NRXN3: variants seen among roughly 807,000 people sequenced by gnomAD.
NRXN3 encodes neurexin 3, also known as neurexin III.
NRXN3 carries 32 observed loss-of-function variants against 137.6 expected under a neutral mutation model. The ratio of observed to expected loss-of-function variants is 0.23; its 90% CI spans 0.18 to 0.31. The LOEUF is 0.31. Among genes scored for constraint, NRXN3 ranks in the 10% least tolerant of loss-of-function variants. The probability of loss-of-function intolerance (pLI) is 1.00; values close to 1 mark genes in which losing one functional copy is unlikely to be tolerated. For missense variants in NRXN3, 1,574 were observed against 2,062.5 expected (o/e 0.76, Z 4.59); for synonymous variants, 798 against 784.5 (o/e 1.02, Z -0.29).
At chr14:78,840,678 A>G (rs904633680) in intron 10 of NRXN3, among the ~76,000 whole-genome samples, 2 of 152,182 alleles carry the variant, frequency 1.3e-5, no homozygotes, top group Admixed American at 1.3e-4. Flanking sequence ...GAAGGAAATC[A>G]GGTGAATTCT....
At chr14:78,212,774 A>T (rs1391050510) in intron 1 of NRXN3, among the ~76,000 whole-genome samples, 1 of 152,252 alleles carries the variant, frequency 6.6e-6, no homozygotes, top group East Asian at 1.9e-4. Context: ...TGCCATTACC[A>T]GAAAGAAAAA....
chr14:78,539,594 TG>T (rs2096569309), intron 4 of NRXN3, among the ~76,000 whole-genome samples: 1 of 152,214 alleles, frequency 6.6e-6, no homozygotes, highest in Admixed American at 6.5e-5. Flanking sequence ...AAGGGTTTTT[TG>T]TGTCTCTTTC....
chr14:79,588,964 T>C (rs146663551), intron 16 of NRXN3, among the ~76,000 whole-genome samples: 1 of 152,276 alleles, frequency 6.6e-6, no homozygotes, highest in Non-Finnish European at 1.5e-5. Flanking sequence ...TATTTAAAAA[T>C]TCTATTGAGG....
At chr14:78,242,127 A>G (rs2067156300) in intron 1 of NRXN3, among the ~76,000 whole-genome samples, 2 of 152,318 alleles carry the variant, frequency 1.3e-5, no homozygotes, top group Admixed American at 6.5e-5. Context: ...TGAATATTCT[A>G]ATAATGTGCT....
At chr14:79,018,118 T>C (rs937428898) in intron 15 of NRXN3, among the ~76,000 whole-genome samples, 10 of 151,188 alleles carry the variant, frequency 6.6e-5, no homozygotes, top group African/African-American at 2.2e-4. Flanking sequence ...AAATTAGCTG[T>C]GCATGGTGGT....
chr14:78,544,689 A>G (rs1301429411), intron 4 of NRXN3, among the ~76,000 whole-genome samples: 3 of 152,232 alleles, frequency 2.0e-5, no homozygotes, highest in African/African-American at 7.2e-5. Context: ...AAACTTGTTC[A>G]CATCATCCAG....
intron 8 of NRXN3, among the ~76,000 whole-genome samples, chr14:78,716,286 C>T (rs1238050184): frequency 6.6e-6 from 1 of 152,132 alleles, no homozygotes; most frequent in Non-Finnish European, 1.5e-5. Context: ...TTTTTATATG[C>T]CAAGCACACA....
chr14:78,573,020 C>T (rs972824541), intron 4 of NRXN3, among the ~76,000 whole-genome samples: 10 of 152,150 alleles, frequency 6.6e-5, no homozygotes, highest in Admixed American at 3.3e-4. Flanking sequence ...ATTCTGTTCT[C>T]GTGATAGTGA....
At chr14:78,634,734 C>T (rs1014700030) in intron 4 of NRXN3, among the ~76,000 whole-genome samples, 1 of 149,550 alleles carries the variant, frequency 6.7e-6, no homozygotes, top group Non-Finnish European at 1.5e-5. Context: ...TAACCACTAC[C>T]TGAAGTTGAT....
intron 15 of NRXN3, among the ~76,000 whole-genome samples, chr14:79,212,798 T>A (rs1358161331): frequency 6.6e-6 from 1 of 151,802 alleles, no homozygotes; most frequent in African/African-American, 2.4e-5. Flanking sequence ...AAATCCTCAC[T>A]CATATTTTGA....
chr14:79,670,451 GA>G (rs368425271), intron 17 of NRXN3, among the ~76,000 whole-genome samples: 1 of 152,132 alleles, frequency 6.6e-6, no homozygotes, highest in African/African-American at 2.4e-5. Context: ...TCCCGCTGTC[GA>G]GAAGTTTCTC....
chr14:78,644,888 T>A (rs1334548830), intron 4 of NRXN3, among the ~76,000 whole-genome samples: 1 of 152,246 alleles, frequency 6.6e-6, no homozygotes, highest in African/African-American at 2.4e-5. Context: ...TTTTGCACCA[T>A]CTTGTTTTGT....
chr14:78,221,669 T>C (rs1008761222), intron 1 of NRXN3, among the ~76,000 whole-genome samples: 1 of 152,188 alleles, frequency 6.6e-6, no homozygotes, highest in Non-Finnish European at 1.5e-5. Flanking sequence ...TCCAGTGATC[T>C]TGCACCTGCA....
At chr14:79,049,619 T>A (rs2099639012) in intron 15 of NRXN3, among the ~76,000 whole-genome samples, 1 of 152,132 alleles carries the variant, frequency 6.6e-6, no homozygotes, top group South Asian at 2.1e-4. Context: ...TTTCAGAAGG[T>A]TTTTAATTTA....
At chr14:79,638,961 G>T (rs186954529) in intron 16 of NRXN3, among the ~76,000 whole-genome samples, 57 of 152,254 alleles carry the variant, frequency 3.7e-4, no homozygotes, top group Middle Eastern at 3.4e-3. Flanking sequence ...GAACTGAATT[G>T]CCAGGGGAGG....
chr14:79,074,455 T>C (rs369784844), intron 15 of NRXN3: 2 of 152,204 alleles, frequency 1.3e-5, no homozygotes, highest in African/African-American at 4.8e-5. Flanking sequence ...TCGGTAGTCA[T>C]CATGAGTACT....
At chr14:78,297,457 G>A (rs1298996991) in intron 3 of NRXN3, among the ~76,000 whole-genome samples, 2 of 152,140 alleles carry the variant, frequency 1.3e-5, no homozygotes, top group African/African-American at 4.8e-5. Flanking sequence ...TACTTTACCT[G>A]GCGTCTTAAG....
At chr14:78,836,429 G>A (rs1040950255) in intron 10 of NRXN3, among the ~76,000 whole-genome samples, 2 of 152,180 alleles carry the variant, frequency 1.3e-5, no homozygotes, top group African/African-American at 4.8e-5. Context: ...TAAATGAGAA[G>A]CTGGCCAAAG....
intron 10 of NRXN3, among the ~76,000 whole-genome samples, chr14:78,827,399 G>A (rs563781101): frequency 1.4e-4 from 22 of 152,072 alleles, no homozygotes; most frequent in Admixed American, 6.5e-4. Context: ...ACATATGGAC[G>A]CATATATATG....
Sources: gnomAD v4.1 joint callset for allele counts (sites outside exome capture counted in the v4.1 genomes callset) on GRCh38, gnomAD v4.1.1 for gene constraint, MANE v1.5 for transcripts, NCBI Gene and HGNC (gene_info 2026-07-23, HGNC 2026-07-21) for gene names.